The following KANK1 variants were observed in gnomAD, a reference collection of about 807,000 sequenced individuals.
KANK1 encodes the protein KN motif and ankyrin repeat domains 1.
In KANK1, 109 loss-of-function variants were observed where a neutral mutation model predicts 106.2. That is an observed-to-expected ratio of 1.03 (90% CI 0.88 to 1.20). The LOEUF is 1.20. Ranked by LOEUF, KANK1 falls within the 50% of genes most tolerant of loss-of-function variation. The pLI is 0.00. For synonymous variants in KANK1, 873 were observed against 652.2 expected (o/e 1.34, Z -5.16); for missense variants, 2,399 against 1,710.7 (o/e 1.40, Z -7.10).
chr9:596,544 C>G (rs568613095), intron 1 of KANK1, among the ~76,000 whole-genome samples: 7 of 151,778 alleles, frequency 4.6e-5, no homozygotes, highest in African/African-American at 1.7e-4. Context: ...GAGTAGGTTT[C>G]CTTTTCCCCT....
chr9:639,099 TC>T (rs535659579), intron 1 of KANK1, among the ~76,000 whole-genome samples: 3 of 152,076 alleles, frequency 2.0e-5, no homozygotes, highest in Admixed American at 2.0e-4. Flanking sequence ...GGACATGCTT[TC>T]CCCCCACACA....
intron 1 of KANK1, among the ~76,000 whole-genome samples, chr9:638,762 C>G (rs1397373809): frequency 6.6e-6 from 1 of 152,134 alleles, no homozygotes; most frequent in South Asian, 2.1e-4. Flanking sequence ...TCTGTAGATT[C>G]CTCTGATTCT....
Position 509,800 on chromosome 9 carries a change from C to A in KANK1, c.-84+5046C>A, listed in dbSNP as rs139487367. On this transcript the variant is annotated intron_variant, in intron 1 of 11. Coordinates refer to ENST00000382297, the MANE Select transcript of KANK1 (RefSeq NM_015158.5). ...CTAATATGGAATTGATTAAAGAAAT[C>A]TTTTTTATTTTTTTGAGACAGGATA... Among the ~76,000 whole-genome samples the A allele has an allele frequency of 3.9e-3, 592 of 152,074 alleles. 4 individuals carry two copies. The highest frequency in any genetic ancestry group is 0.014 in the African/African-American group (573 of 41,502).
intron 1 of KANK1, among the ~76,000 whole-genome samples, chr9:571,564 TAAAAA>T (rs59188995): frequency 1.5e-5 from 2 of 136,872 alleles, no homozygotes; most frequent in Non-Finnish European, 3.2e-5. Context: ...CACTTCTAAA[TAAAAA>T]AAAAAAAAAT....
chr9:694,782 C>G (rs1820830653), intron 2 of KANK1, among the ~76,000 whole-genome samples: 1 of 152,064 alleles, frequency 6.6e-6, no homozygotes, highest in African/African-American at 2.4e-5. Context: ...TTGGCAATAC[C>G]CAGGAGGGAC....
chr9:565,865 CA>C (rs1288412761), intron 1 of KANK1, among the ~76,000 whole-genome samples: 1 of 152,170 alleles, frequency 6.6e-6, no homozygotes, highest in African/African-American at 2.4e-5. Flanking sequence ...ACGCTTTTAA[CA>C]AAACTTTTAT....
chr9:567,615 T>C (rs12345233), intron 1 of KANK1, among the ~76,000 whole-genome samples: 10,772 of 152,274 alleles, frequency 0.071, 1,000 homozygotes, highest in East Asian at 0.22. Context: ...AAGAGAACTT[T>C]TGCAGCATTT....
At chr9:509,514 TTTC>T (rs2058935210) in intron 1 of KANK1, among the ~76,000 whole-genome samples, 1 of 152,256 alleles carries the variant, frequency 6.6e-6, no homozygotes, top group African/African-American at 2.4e-5. Context: ...TTGTATTTTG[TTTC>T]TTAACACAGT....
In KANK1 at chr9:740,901, C is replaced by A. The variant is rs2296049; in HGVS notation, c.3663C>A (p.Phe1221Leu). 2 of 1,613,842 alleles carry A rather than the reference C, an allele frequency of 1.2e-6. No homozygotes were observed. Among genetic ancestry groups the A allele is most frequent in the African/African-American group, 2.7e-5 (2 of 74,836 alleles). The change falls in exon 9 of 12, where the codon TTC becomes TTA. Residue 1221 changes from phenylalanine (F) to leucine (L), a missense_variant. Transcript: ENST00000382297. ...EKDMRIVEEL[F>L]GCGDVNAKAS... ...ACATGCGGATTGTGGAAGAACTCTT[C>A]GGCTGTGGGGATGTGAATGCCAAAG...
At chr9:564,263 G>C (rs1207686109) in intron 1 of KANK1, among the ~76,000 whole-genome samples, 1 of 151,594 alleles carries the variant, frequency 6.6e-6, no homozygotes, top group East Asian at 1.9e-4. Context: ...GGGTTTCACT[G>C]TGTTAGCCAG....
chr9:588,311 A>G (rs989246758), intron 1 of KANK1, among the ~76,000 whole-genome samples: 3 of 152,124 alleles, frequency 2.0e-5, no homozygotes, highest in East Asian at 3.8e-4. Context: ...TTTATTAGAC[A>G]TTTATATTGT....
chr9:665,198 T>C lies in KANK1; in HGVS notation c.-83-11692T>C, dbSNP rs550082578. Among the ~76,000 whole-genome samples the C allele has an allele frequency of 2.0e-5, 3 of 152,336 alleles. No homozygotes were observed. In the East Asian group the frequency reaches 5.8e-4, roughly 29 times the overall value. On this transcript the variant is annotated intron_variant, in intron 1 of 11. Coordinates refer to ENST00000382297, the MANE Select transcript of KANK1 (RefSeq NM_015158.5). ...TAATCCCATTTGTCCATTTTCGTTT[T>C]TGTTGCCTATGCTTTTGAGAACTTA...
chr9:529,452 G>A (rs778567213), intron 1 of KANK1, among the ~76,000 whole-genome samples: 3 of 151,666 alleles, frequency 2.0e-5, no homozygotes, highest in Non-Finnish European at 2.9e-5. Flanking sequence ...ACTTGCCTTC[G>A]CCTTCCAAAG....
intron 2 of KANK1, chr9:684,097 G>T: frequency 1.1e-6 from 1 of 905,316 alleles, no homozygotes; most frequent in Non-Finnish European, 1.3e-6. Flanking sequence ...AAAGCCCCTG[G>T]CTCATCAGAG....
intron 2 of KANK1, among the ~76,000 whole-genome samples, chr9:682,166 G>T (rs1354213636): frequency 3.3e-5 from 5 of 151,748 alleles, no homozygotes; most frequent in African/African-American, 1.2e-4. Context: ...TGTAATTCCA[G>T]CTACTCGGGA....
chr9:581,292 A>G (rs1822082166), intron 1 of KANK1, among the ~76,000 whole-genome samples: 1 of 152,210 alleles, frequency 6.6e-6, no homozygotes, highest in Non-Finnish European at 1.5e-5. Context: ...GCAAGGGCTG[A>G]CAGCACGTTG....
intron 1 of KANK1, among the ~76,000 whole-genome samples, chr9:576,653 C>T (rs1820637409): frequency 6.6e-6 from 1 of 152,130 alleles, no homozygotes; most frequent in Non-Finnish European, 1.5e-5. Context: ...CCTCATGGGG[C>T]ATGCAGTTTG....
chr9:668,145 G>T lies in KANK1; in HGVS notation c.-83-8745G>T, dbSNP rs190833394. Reference sequence around the variant, plus strand: ...AGACTTGTTTTGTGGCCTAAAATATGGTTTATTCTGGGGAATGTTCCATGT... The same window carrying T: ...AGACTTGTTTTGTGGCCTAAAATATTGTTTATTCTGGGGAATGTTCCATGT... On this transcript the variant is annotated intron_variant, in intron 1 of 11. Coordinates refer to ENST00000382297, the MANE Select transcript of KANK1 (RefSeq NM_015158.5). Among the ~76,000 whole-genome samples the T allele has an allele frequency of 9.3e-4, 141 of 152,216 alleles. 3 individuals are homozygous for T. The highest frequency in any genetic ancestry group is 3.2e-3 in the African/African-American group (131 of 41,530).
intron 3 of KANK1, among the ~76,000 whole-genome samples, chr9:486,608 T>C (rs952431800): frequency 3.3e-5 from 5 of 152,184 alleles, no homozygotes; most frequent in Admixed American, 3.3e-4. Context: ...GAGGCCACAC[T>C]CTTAATCTGT....
Sources: gnomAD v4.1 joint callset for allele counts (sites outside exome capture counted in the v4.1 genomes callset) on GRCh38, gnomAD v4.1.1 for gene constraint, MANE v1.5 for transcripts, NCBI Gene and HGNC (gene_info 2026-07-23, HGNC 2026-07-21) for gene names.